The following RGS14 variants were observed in gnomAD, a reference collection of about 807,000 sequenced individuals.
The protein encoded by RGS14 is regulator of G protein signaling 14.
Under a neutral mutation model 63.8 loss-of-function variants are expected in RGS14, and 33 were observed. The observed-to-expected ratio is 0.52, with a 90% CI of 0.39 to 0.69. RGS14 has a LOEUF of 0.69. Among genes scored for constraint, RGS14 ranks in the 30% least tolerant of loss-of-function variants. RGS14 has a pLI of 0.00. For missense variants in RGS14, 739 were observed against 742.9 expected, an observed-to-expected ratio of 0.99 and a Z score of 0.06; for synonymous variants, 296 against 320.9, an observed-to-expected ratio of 0.92 and a Z score of 0.83.
chr5:177,361,352 A>T (rs556825659), intron 1 of RGS14, among the ~76,000 whole-genome samples: 3 of 152,158 alleles, frequency 2.0e-5, no homozygotes, highest in African/African-American at 7.2e-5. Flanking sequence ...GATGCTCAGA[A>T]AATTGGCCCT....
intron 1 of RGS14, among the ~76,000 whole-genome samples, chr5:177,365,193 T>C (rs1762060910): frequency 1.3e-5 from 2 of 152,164 alleles, no homozygotes; most frequent in African/African-American, 4.8e-5. Flanking sequence ...TATATTTTTA[T>C]TTGATTTTCT....
rs1055401875 is a variant in RGS14, at chr5:177,368,181, C to A, written c.764C>A (p.Ala255Asp). 2 of 1,613,846 alleles carry A rather than the reference C, an allele frequency of 1.2e-6. No individual in the cohort carries two copies. Among genetic ancestry groups the A allele is most frequent in the African/African-American group, 2.7e-5 (2 of 75,078 alleles). Residue 255 changes from alanine (A) to aspartate (D), a missense_variant, in exon 8 of 15, where the codon GCC becomes GAC. Coordinates refer to ENST00000408923, the MANE Select transcript of RGS14 (RefSeq NM_006480.5). ...RRELGGTANAALRRESQGSLN... is the reference protein window; with the variant it reads ...RRELGGTANADLRRESQGSLN... ...GAGCTGGGCGGGACTGCAAACGCCG[C>A]CTTGCGCCGAGAGTCTCAGGGCTCC...
At position 177,371,062 on chromosome 5, in the gene RGS14, G is replaced by GCGGGGCGGGGCCGGGCCGGGGC. The variant is rs1561618597; in HGVS notation, c.1254+37_1254+38insGGGGCCGGGCCGGGGCCGGGGC. On this transcript the variant is annotated intron_variant, in intron 11 of 14. Transcript: ENST00000408923. This position sits in a 1 kb window ranked among gnomAD's most constrained non-coding sequence, Gnocchi z 6.1. Reference sequence around the variant, plus strand: ...CTTCCGGGCCGCGGGGCGGGGCGGGGCGGGGCCGGGCCGGGGCCGGGGCCG... The same window carrying GCGGGGCGGGGCCGGGCCGGGGC: ...CTTCCGGGCCGCGGGGCGGGGCGGGGCGGGGCGGGGCCGGGCCGGGGCCGGGGCCGGGCCGGGGCCGGGGCCG... 9.1e-6 allele frequency: 10 copies of GCGGGGCGGGGCCGGGCCGGGGC among 1,102,028 alleles called. No homozygotes were observed. The African/African-American group carries it at 2.0e-4, about 22-fold the overall frequency. The allele number at this position is 1,102,028 out of a possible 1,614,324, so 68.3% of individuals were successfully genotyped here.
intron 1 of RGS14, among the ~76,000 whole-genome samples, chr5:177,360,070 C>T (rs1304973934): frequency 6.6e-6 from 1 of 152,204 alleles, no homozygotes; most frequent in Non-Finnish European, 1.5e-5. Context: ...GCAAGGAAAC[C>T]TGTCACTTGG....
chr5:177,372,113 G>T lies in RGS14; in HGVS notation c.*38G>T. On this transcript the variant is annotated 3_prime_UTR_variant, in exon 15 of 15. Coordinates refer to ENST00000408923, the MANE Select transcript of RGS14 (RefSeq NM_006480.5). ...AGTCCAGGACAGCTGCATGGCACCC[G>T]GCGGGCCGAGCATGCCATGGGTCCG... 1 of 1,582,118 alleles carries T rather than the reference G, an allele frequency of 6.3e-7. No individual in the cohort carries two copies. Among genetic ancestry groups the T allele is most frequent in the Non-Finnish European group, 8.7e-7 (1 of 1,155,632 alleles).
rs762231566 is a variant in RGS14, at chr5:177,368,762, C to T, written c.895C>T (p.Arg299Trp). The change falls in exon 9 of 15, where the codon CGG (arginine) becomes TGG (tryptophan). Residue 299 changes from arginine to tryptophan, a missense_variant. Arg to Trp is a moderately radical substitution (Grantham distance 101). Transcript: ENST00000408923. ...LGSTEGESES[R>W]PGKYCCVYLP... is the part of the protein sequence containing the mutation. The stretch of plus-strand genomic sequence containing the variant: ...GAGCACGGAGGGTGAAAGTGAAAGC[C>T]GGCCAGGGAAGTACTGCTGTGTGTA... 9 of 1,614,218 alleles carry T rather than the reference C, an allele frequency of 5.6e-6. No homozygotes were observed. The highest frequency in any genetic ancestry group is 8.5e-7 in the Non-Finnish European group (1 of 1,180,034).
Position 177,367,560 on chromosome 5 carries a change from G to T in RGS14, c.627+3G>T, listed in dbSNP as rs1762130773. On this transcript the variant is annotated splice_donor_region_variant and intron_variant, in intron 6 of 14. Coordinates refer to ENST00000408923, the MANE Select transcript of RGS14 (RefSeq NM_006480.5). ...GCAGCCCTGACGCCACGAGGAAGGT[G>T]CGTGGGACTGGGCGAGGGACTGGGC... The T allele has an allele frequency of 3.7e-6, 6 of 1,606,574 alleles. No homozygotes were observed. Among genetic ancestry groups the T allele is most frequent in the Non-Finnish European group, 4.3e-6 (5 of 1,176,390 alleles).
rs765365183 is a variant in RGS14, at chr5:177,365,972, G to A, written c.55G>A (p.Val19Met). 2 of 1,614,136 alleles carry A rather than the reference G, an allele frequency of 1.2e-6. No homozygotes were observed. The highest frequency in any genetic ancestry group is 2.2e-5 in the East Asian group (1 of 44,892). ...GVPNGRMVLA[V>M]SDGELSSTTG... ...GTTGGGTCTCTTATAGGTTCTGGCTGTGTCAGATGGAGGTAAGTGACAGAA... is the reference window on the plus strand; with the variant it reads ...GTTGGGTCTCTTATAGGTTCTGGCTATGTCAGATGGAGGTAAGTGACAGAA... The change falls in exon 2 of 15, where the codon GTG becomes ATG. Residue 19 changes from valine (V) to methionine (M), a missense_variant. By Grantham distance (21) the Val-to-Met change is conservative (BLOSUM62 1). Coordinates refer to ENST00000408923, the MANE Select transcript of RGS14 (RefSeq NM_006480.5).
Position 177,357,937 on chromosome 5 carries a change from GC to G in RGS14, c.-85del. ...CCGAGTCAGGCTCTCTCCACTGCCT[GC>G]CCGCCACCGTGCAAGCTCTGGCCGG... On this transcript the variant is annotated 5_prime_UTR_variant, in exon 1 of 15. Transcript: ENST00000408923. 8.4e-7 allele frequency: 1 copy of G among 1,193,722 alleles called. No individual in the cohort carries two copies. Among genetic ancestry groups the G allele is most frequent in the Non-Finnish European group, 1.1e-6 (1 of 933,318 alleles). 73.9% of individuals were successfully genotyped at this position (1,193,722 alleles called of 1,614,324 possible).
In RGS14 at chr5:177,368,181, C is replaced by T; in HGVS notation, c.764C>T (p.Ala255Val). The T allele has an allele frequency of 1.2e-6, 2 of 1,613,846 alleles. No individual in the cohort carries two copies. Among genetic ancestry groups the T allele is most frequent in the Non-Finnish European group, 1.7e-6 (2 of 1,179,954 alleles). ...GAGCTGGGCGGGACTGCAAACGCCG[C>T]CTTGCGCCGAGAGTCTCAGGGCTCC... ...RRELGGTANAALRRESQGSLN... is the reference protein window; with the variant it reads ...RRELGGTANAVLRRESQGSLN... Residue 255 changes from alanine (A) to valine (V), a missense_variant, in exon 8 of 15, where the codon GCC becomes GTC. Physicochemically the swap from Ala to Val is moderately conservative, Grantham distance 64. Transcript: ENST00000408923.
rs1033893153 is a variant in RGS14, at chr5:177,367,545, C to G, written c.615C>G (p.Asp205Glu). The G allele has an allele frequency of 1.2e-6, 2 of 1,610,008 alleles. No individual in the cohort carries two copies. The highest frequency in any genetic ancestry group is 3.4e-5 in the Admixed American group (2 of 59,672). The change falls in exon 6 of 15, where the codon GAC becomes GAG. Residue 205 changes from aspartate to glutamate, a missense_variant. Coordinates refer to ENST00000408923, the MANE Select transcript of RGS14 (RefSeq NM_006480.5). ...EPGSSRLGSPDATRKKPKLKP... is the reference protein window; with the variant it reads ...EPGSSRLGSPEATRKKPKLKP... ...GCTCCTCGCGCCTCGGCAGCCCTGA[C>G]GCCACGAGGAAGGTGCGTGGGACTG...
Position 177,370,973 on chromosome 5 carries a change from C to T in RGS14, c.1196C>T (p.Ala399Val). 1 of 1,607,194 alleles carries T rather than the reference C, an allele frequency of 6.2e-7. No homozygotes were observed. Among genetic ancestry groups the T allele is most frequent in the Admixed American group, 1.7e-5 (1 of 59,992 alleles). ...AAGCCCACCAAGCGGCTGCAGGAGG[C>T]GCTGCAGCCCATTCTGGAGAAGCAC... is the stretch of plus-strand genomic sequence containing the variant. ...SAKPTKRLQE[A>V]LQPILEKHGL... Residue 399 changes from alanine to valine, a missense_variant, in exon 11 of 15, where the codon GCG (alanine) becomes GTG (valine). Physicochemically the swap from Ala to Val is moderately conservative, Grantham distance 64. Transcript: ENST00000408923.
chr5:177,368,602 G>T, intron 8 of RGS14, 115 bp from the exon 9 acceptor site: 3 of 1,047,812 alleles, frequency 2.9e-6, no homozygotes, highest in Non-Finnish European at 2.8e-6. Flanking sequence ...ATCTTTGCCT[G>T]CCTTGGGAGT....
At chr5:177,362,548 G>A (rs561429944) in intron 1 of RGS14, among the ~76,000 whole-genome samples, 3 of 152,306 alleles carry the variant, frequency 2.0e-5, no homozygotes, top group South Asian at 2.1e-4. Context: ...TAATGTCAAC[G>A]GGCAGAGATC....
chr5:177,371,062 G>GC lies in RGS14; in HGVS notation c.1254+32dup, dbSNP rs1383878449. ...CTTCCGGGCCGCGGGGCGGGGCGGG[G>GC]CGGGGCCGGGCCGGGGCCGGGGCCG... On this transcript the variant is annotated intron_variant, in intron 11 of 14. Coordinates refer to ENST00000408923, the MANE Select transcript of RGS14 (RefSeq NM_006480.5). The surrounding 1 kb of genome is among the most constrained non-coding windows in gnomAD (Gnocchi z 6.1). The GC allele has an allele frequency of 4.5e-5, 50 of 1,105,100 alleles. 2 individuals carry two copies. The African/African-American group carries it at 8.8e-4, about 20-fold the overall frequency. 68.5% of individuals were successfully genotyped at this position (1,105,100 alleles called of 1,614,324 possible).
rs1191596320 is a variant in RGS14 at position 177,371,854 on chromosome 5, T to C, written c.1499-19T>C. The stretch of plus-strand genomic sequence containing the variant: ...GGCAGGTCTGCTGGGGGGACCCTCA[T>C]GCTGTGGCTTGCCTCCAGGCCTGGT... On this transcript the variant is annotated intron_variant, in intron 14 of 14. Coordinates refer to ENST00000408923, the MANE Select transcript of RGS14 (RefSeq NM_006480.5). The surrounding 1 kb of genome is among the most constrained non-coding windows in gnomAD (Gnocchi z 6.1). The C allele has an allele frequency of 1.9e-6, 3 of 1,605,040 alleles. No individual in the cohort carries two copies. The Admixed American group carries it at 5.0e-5, about 27-fold the overall frequency.
Position 177,371,845 on chromosome 5 carries a change from G to A in RGS14, c.1499-28G>A. On this transcript the variant is annotated intron_variant, in intron 14 of 14. Transcript: ENST00000408923. This position sits in a 1 kb window ranked among gnomAD's most constrained non-coding sequence, Gnocchi z 6.1. ...TGGCATATAGGCAGGTCTGCTGGGG[G>A]GACCCTCATGCTGTGGCTTGCCTCC... 6.2e-7 allele frequency: 1 copy of A among 1,601,482 alleles called. No homozygotes were observed. Among genetic ancestry groups the A allele is most frequent in the Non-Finnish European group, 8.5e-7 (1 of 1,172,886 alleles).
Position 177,371,081 on chromosome 5 carries a change from G to GGGGCCGGGCCA in RGS14, c.1254+58_1254+59insCCAGGGCCGGG, listed in dbSNP as rs1554094044. ...GGCGGGGCGGGGCCGGGCCGGGGCC[G>GGGGCCGGGCCA]GGGCCGGGGCCGGGGCCGGGGCCGG... On this transcript the variant is annotated intron_variant, in intron 11 of 14. Transcript: ENST00000408923. This position sits in a 1 kb window ranked among gnomAD's most constrained non-coding sequence, Gnocchi z 6.1. 3.3e-6 allele frequency: 1 copy of GGGGCCGGGCCA among 300,128 alleles called. No homozygotes were observed. The highest frequency in any genetic ancestry group is 7.9e-5 in the African/African-American group (1 of 12,738). 18.6% of individuals were successfully genotyped at this position (300,128 alleles called of 1,614,324 possible).
rs754340665 is a variant in RGS14, at chr5:177,372,060, C to T, written c.1686C>T (p.Thr562=). 1.1e-5 allele frequency: 17 copies of T among 1,613,814 alleles called. No individual in the cohort carries two copies. The highest frequency in any genetic ancestry group is 4.0e-5 in the African/African-American group (3 of 74,940). Residue 562 remains threonine, a synonymous_variant, in exon 15 of 15, where the codon ACC becomes ACT. Transcript: ENST00000408923. ...TCGGGGGATCCTTGAACTCCACCAC[C>T]GACTCAGCCCTCTGACAGCTACCCA... ...QPIGGSLNST[T]DSAL is the part of the protein sequence containing the mutation.
Sources: allele counts gnomAD v4.1 joint callset (sites outside exome capture counted in the v4.1 genomes callset), GRCh38; gene constraint gnomAD v4.1.1; non-coding constraint Gnocchi (gnomAD v3.1); transcripts MANE v1.5; gene names NCBI Gene and HGNC (gene_info 2026-07-23, HGNC 2026-07-21).